The following RNF180 variants were observed in gnomAD, a reference collection of about 807,000 sequenced individuals.
RNF180 encodes the protein E3 ubiquitin-protein ligase RNF180.
Under a neutral mutation model 59.2 loss-of-function variants are expected in RNF180, and 38 were observed. The observed-to-expected ratio is 0.64, with a 90% CI of 0.50 to 0.84. The LOEUF (loss-of-function observed/expected upper bound fraction) is 0.84. RNF180 is among the 40% of genes least tolerant of loss of function. The probability of loss-of-function intolerance (pLI) is 0.00; values close to 1 mark genes in which losing one functional copy is unlikely to be tolerated. For synonymous variants in RNF180, 262 were observed against 240.3 expected (o/e 1.09, Z -0.84); for missense variants, 705 against 700.9 (o/e 1.01, Z -0.07).
chr5:64,225,328 A>T (rs1204453262), intron 5 of RNF180, among the ~76,000 whole-genome samples: 1 of 115,516 alleles, frequency 8.7e-6, no homozygotes, highest in Non-Finnish European at 1.9e-5. Context: ...GCCTCTGCCC[A>T]GCCGCCCCGT....
At chr5:64,265,511 A>G (rs749113078) in intron 5 of RNF180, among the ~76,000 whole-genome samples, 1 of 152,100 alleles carries the variant, frequency 6.6e-6, no homozygotes, top group Non-Finnish European at 1.5e-5. Context: ...CATTTTTGTC[A>G]GGTTTGTCAA....
intron 7 of RNF180, among the ~76,000 whole-genome samples, chr5:64,341,403 T>A (rs1180165116): frequency 6.6e-6 from 1 of 152,190 alleles, no homozygotes; most frequent in African/African-American, 2.4e-5. Flanking sequence ...TCAGCATAGC[T>A]CTTAACTCAA....
chr5:64,190,803 A>G (rs903081927), intron 1 of RNF180, among the ~76,000 whole-genome samples: 1 of 152,184 alleles, frequency 6.6e-6, no homozygotes, highest in Non-Finnish European at 1.5e-5. Context: ...TGCAAGCCAA[A>G]ATGAGAAGCC....
chr5:64,330,406 G>T lies in RNF180; in HGVS notation c.1579G>T (p.Gly527Cys). Residue 527 changes from glycine (G) to cysteine (C), a missense_variant and splice_region_variant, in exon 7 of 8, where the codon GGT becomes TGT. Transcript: ENST00000389100. ...SCRKAFHLFG[G>C]FRRHAAPVTR... ...CAGAAAAGCATTTCATCTTTTTGGA[G>T]GTAAGGAAATCTAACGCCAAAAAAA... The T allele has an allele frequency of 6.5e-7, 1 of 1,532,138 alleles. No individual in the cohort carries two copies. 94.9% of individuals were successfully genotyped at this position (1,532,138 alleles called of 1,614,324 possible). A position where few individuals can be genotyped will look rare whatever the true frequency, so the allele number is the denominator to read the frequency against.
intron 5 of RNF180, among the ~76,000 whole-genome samples, chr5:64,234,293 C>T (rs1314266641): frequency 1.4e-4 from 22 of 151,894 alleles, no homozygotes; most frequent in Admixed American, 1.2e-3. Flanking sequence ...GGCGAAACCC[C>T]GTCTCTACTA....
chr5:64,294,532 T>C (rs1742785350), intron 5 of RNF180, among the ~76,000 whole-genome samples: 1 of 152,198 alleles, frequency 6.6e-6, no homozygotes, highest in Admixed American at 6.5e-5. Flanking sequence ...ATGATTAATA[T>C]GTACACTGCA....
At chr5:64,335,497 C>A (rs1255677505) in intron 7 of RNF180, among the ~76,000 whole-genome samples, 2 of 149,724 alleles carry the variant, frequency 1.3e-5, no homozygotes, top group East Asian at 3.9e-4. Flanking sequence ...TAGGTAGAGA[C>A]CCAGTTTCTT....
At chr5:64,330,914 A>T (rs986879128) in intron 7 of RNF180, among the ~76,000 whole-genome samples, 2 of 152,196 alleles carry the variant, frequency 1.3e-5, no homozygotes, top group African/African-American at 4.8e-5. Flanking sequence ...TCGGACCGAG[A>T]CATCCTTGTA....
Position 64,371,433 on chromosome 5 carries a change from T to C in RNF180, c.*1619T>C, listed in dbSNP as rs149134496. 1.0e-3 allele frequency: 157 copies of C among 151,702 alleles called. No homozygotes were observed. The highest frequency in any genetic ancestry group is 3.6e-3 in the African/African-American group (151 of 41,516). The allele number at this position is 151,702 out of a possible 1,614,324, so 9.4% of individuals were successfully genotyped here. Reference sequence around the variant, plus strand: ...TAGGCAACTTCTGGTTTATACACTCTAGAAAATATATCTTGATTCATTCCT... The same window carrying C: ...TAGGCAACTTCTGGTTTATACACTCCAGAAAATATATCTTGATTCATTCCT... On this transcript the variant is annotated 3_prime_UTR_variant, in exon 8 of 8. Coordinates refer to ENST00000389100, the MANE Select transcript of RNF180 (RefSeq NM_001113561.2).
At chr5:64,284,655 G>C (rs544269496) in intron 5 of RNF180, among the ~76,000 whole-genome samples, 2 of 152,172 alleles carry the variant, frequency 1.3e-5, no homozygotes, top group Non-Finnish European at 2.9e-5. Flanking sequence ...TGAAATTCTT[G>C]TAGTGAGTTT....
chr5:64,200,387 C>G (rs573494399), intron 1 of RNF180, among the ~76,000 whole-genome samples: 3 of 152,122 alleles, frequency 2.0e-5, no homozygotes, highest in African/African-American at 7.2e-5. Flanking sequence ...CCCAGGAGTT[C>G]GAGGCTATAG....
chr5:64,213,978 A>G lies in RNF180; in HGVS notation c.652A>G (p.Arg218Gly), dbSNP rs1580015034. The G allele has an allele frequency of 6.2e-7, 1 of 1,614,030 alleles. No homozygotes were observed. The highest frequency in any genetic ancestry group is 8.5e-7 in the Non-Finnish European group (1 of 1,179,898). ...TTTTGTTCCCCAGCTTGTGACTGGC[A>G]GATGCGCTACAAGAGCTTTTCATAG... The part of the protein sequence containing the change: ...QLFVPQLVTG[R>G]CATRAFHRKS... The change falls in exon 4 of 8, where the codon AGA (arginine) becomes GGA (glycine). Residue 218 changes from arginine to glycine, a missense_variant. Transcript: ENST00000389100.
rs145926994 is a variant in RNF180, at chr5:64,337,583, G to A, written c.1579+7177G>A. ...AGGTTAGTTACATAAGTATACATGT[G>A]CCGTGCTGGTGTGCTGCACCCATTA... On this transcript the variant is annotated intron_variant, in intron 7 of 7. Coordinates refer to ENST00000389100, the MANE Select transcript of RNF180 (RefSeq NM_001113561.2). Among the ~76,000 whole-genome samples, 1,415 of 151,920 alleles carry A rather than the reference G, an allele frequency of 9.3e-3. 19 individuals are homozygous for A. Among genetic ancestry groups the A allele is most frequent in the African/African-American group, 0.033 (1,352 of 41,382 alleles).
rs551538447 is a variant in RNF180, at chr5:64,194,637, C to A, written c.1-6171C>A. 6.6e-5 allele frequency among the ~76,000 whole-genome samples: 10 copies of A among 152,284 alleles called. No homozygotes were observed. The East Asian group carries it at 1.9e-3, about 29-fold the overall frequency. On this transcript the variant is annotated intron_variant, in intron 1 of 7. Coordinates refer to ENST00000389100, the MANE Select transcript of RNF180 (RefSeq NM_001113561.2). ...GTCCCACCAACAGTGTAAAAGTGTTCCTATTTCTCCACATCCTCTCCAGCA... is the reference window on the plus strand; with the variant it reads ...GTCCCACCAACAGTGTAAAAGTGTTACTATTTCTCCACATCCTCTCCAGCA...
At chr5:64,318,565 T>C (rs146290049) in intron 5 of RNF180, among the ~76,000 whole-genome samples, 3 of 152,282 alleles carry the variant, frequency 2.0e-5, no homozygotes, top group East Asian at 1.9e-4. Flanking sequence ...TACATACATA[T>C]ATAAAATAAG....
At chr5:64,359,850 A>G (rs1223262802) in intron 7 of RNF180, among the ~76,000 whole-genome samples, 1 of 152,104 alleles carries the variant, frequency 6.6e-6, no homozygotes. Context: ...AGCTTTCTAC[A>G]TATGGCTATC....
Position 64,212,317 on chromosome 5 carries a change from C to T in RNF180, c.231+157C>T, listed in dbSNP as rs545125407. 1.4e-4 allele frequency among the ~76,000 whole-genome samples: 22 copies of T among 151,908 alleles called. No homozygotes were observed. The South Asian group carries it at 2.7e-3, about 19-fold the overall frequency. On this transcript the variant is annotated intron_variant, in intron 3 of 7. Coordinates refer to ENST00000389100, the MANE Select transcript of RNF180 (RefSeq NM_001113561.2). ...CTTCACACTTCTTTTCTCCTTTCTC[C>T]GCTTTATATACCTACCTGTGTTTTA...
chr5:64,286,234 ACAT>A (rs1164990405), intron 5 of RNF180, among the ~76,000 whole-genome samples: 4 of 152,208 alleles, frequency 2.6e-5, no homozygotes, highest in Non-Finnish European at 5.9e-5. Context: ...ATTTAAGGAA[ACAT>A]CATTTATTTG....
At chr5:64,270,208 T>C (rs1012439625) in intron 5 of RNF180, among the ~76,000 whole-genome samples, 3 of 150,568 alleles carry the variant, frequency 2.0e-5, no homozygotes, top group Admixed American at 1.3e-4. Flanking sequence ...ACTACCGTAA[T>C]TGATAACTAG....
Sources: gnomAD v4.1 joint callset for allele counts (sites outside exome capture counted in the v4.1 genomes callset) on GRCh38, gnomAD v4.1.1 for gene constraint, MANE v1.5 for transcripts, NCBI Gene and HGNC (gene_info 2026-07-23, HGNC 2026-07-21) for gene names.